GRIK2: variants seen among roughly 807,000 people sequenced by gnomAD.
The protein encoded by GRIK2 is glutamate receptor ionotropic, kainate 2.
Under a neutral mutation model 100.3 loss-of-function variants are expected in GRIK2, and 32 were observed. The observed-to-expected ratio is 0.32, with a 90% CI of 0.24 to 0.43. GRIK2 has a LOEUF of 0.43. Among genes scored for constraint, GRIK2 ranks in the 20% least tolerant of loss-of-function variants. GRIK2 has a pLI of 1.00. For synonymous variants in GRIK2, 417 were observed against 389.4 expected (o/e 1.07, Z -0.83); for missense variants, 843 against 1,114.9 (o/e 0.76, Z 3.47).
chr6:101,920,665 G>A (rs1789428972), intron 12 of GRIK2, among the ~76,000 whole-genome samples: 1 of 151,318 alleles, frequency 6.6e-6, no homozygotes, highest in Non-Finnish European at 1.5e-5. Flanking sequence ...TCTATGGAGT[G>A]AAGAGTAGGG....
At chr6:101,507,271 T>C (rs952683340) in intron 2 of GRIK2, among the ~76,000 whole-genome samples, 1 of 152,170 alleles carries the variant, frequency 6.6e-6, no homozygotes, top group African/African-American at 2.4e-5. Flanking sequence ...TTGATTTTAA[T>C]AGATGTGCTA....
chr6:101,962,054 A>G (rs1301651950), intron 14 of GRIK2, among the ~76,000 whole-genome samples: 1 of 152,100 alleles, frequency 6.6e-6, no homozygotes, highest in Non-Finnish European at 1.5e-5. Flanking sequence ...ATGAGGGCAG[A>G]GGGGCTCTCT....
intron 12 of GRIK2, among the ~76,000 whole-genome samples, chr6:101,908,292 A>T (rs1411906913): frequency 6.6e-6 from 1 of 151,944 alleles, no homozygotes; most frequent in Non-Finnish European, 1.5e-5. Context: ...TGCCAAAAGT[A>T]CATTAAAATT....
chr6:101,415,994 GTCAA>G (rs34905572), intron 2 of GRIK2, among the ~76,000 whole-genome samples: 3 of 152,094 alleles, frequency 2.0e-5, no homozygotes, highest in Non-Finnish European at 4.4e-5. Flanking sequence ...AGCATAACCA[GTCAA>G]TCAATCAATC....
intron 4 of GRIK2, among the ~76,000 whole-genome samples, chr6:101,672,166 A>G (rs1770490780): frequency 6.6e-6 from 1 of 152,176 alleles, no homozygotes; most frequent in African/African-American, 2.4e-5. Context: ...CACTGATGAC[A>G]CAACAACCAA....
chr6:101,451,021 C>T (rs1770646245), intron 2 of GRIK2, among the ~76,000 whole-genome samples: 1 of 151,554 alleles, frequency 6.6e-6, no homozygotes, highest in Admixed American at 6.6e-5. Context: ...ATGTTTGAAT[C>T]TCCTTTCCCG....
chr6:101,816,118 G>T (rs1383260890), intron 9 of GRIK2, among the ~76,000 whole-genome samples: 1 of 152,080 alleles, frequency 6.6e-6, no homozygotes, highest in African/African-American at 2.4e-5. Context: ...TAGTTACTTG[G>T]TTAGAAAGTT....
chr6:101,487,784 A>G (rs1227677209), intron 2 of GRIK2, among the ~76,000 whole-genome samples: 1 of 146,638 alleles, frequency 6.8e-6, no homozygotes, highest in Admixed American at 6.8e-5. Context: ...CATTAAATTT[A>G]AAAAGATCAA....
chr6:101,453,525 G>C (rs1770827360), intron 2 of GRIK2, among the ~76,000 whole-genome samples: 1 of 151,954 alleles, frequency 6.6e-6, no homozygotes, highest in Admixed American at 6.6e-5. Context: ...TTGCAGACGT[G>C]TTACATGGCC....
intron 2 of GRIK2, among the ~76,000 whole-genome samples, chr6:101,504,500 A>G (rs1432592099): frequency 2.0e-5 from 3 of 151,824 alleles, no homozygotes; most frequent in Non-Finnish European, 4.4e-5. Context: ...AAAATTTCCT[A>G]TTCAATGTTT....
At position 101,898,477 on chromosome 6, in the gene GRIK2, GA is replaced by G. The variant is rs139240098; in HGVS notation, c.1748+8623del. Among the ~76,000 whole-genome samples, 499 of 149,490 alleles carry G rather than the reference GA, an allele frequency of 3.3e-3. 7 individuals are homozygous for G. Among genetic ancestry groups the G allele is most frequent in the African/African-American group, 0.011 (432 of 40,888 alleles). ...GTTTTACAGTAACAGATAATTCCTT[GA>G]AAAAAAAATCCTTAGTTAGCTGTAC... On this transcript the variant is annotated intron_variant, in intron 12 of 16. Coordinates refer to ENST00000369134, the MANE Select transcript of GRIK2 (RefSeq NM_021956.5).
intron 14 of GRIK2, among the ~76,000 whole-genome samples, chr6:102,006,588 A>G (rs1201452349): frequency 6.6e-6 from 1 of 151,594 alleles, no homozygotes; most frequent in Non-Finnish European, 1.5e-5. Flanking sequence ...AGCTGGTTCC[A>G]AACAACTGGG....
chr6:101,711,200 T>C (rs1475942146), intron 7 of GRIK2, among the ~76,000 whole-genome samples: 1 of 151,846 alleles, frequency 6.6e-6, no homozygotes, highest in African/African-American at 2.4e-5. Flanking sequence ...GAAGATAAAC[T>C]CTGAATGTTT....
chr6:101,395,420 AC>A (rs1324096780), intron 1 of GRIK2, among the ~76,000 whole-genome samples: 1 of 152,150 alleles, frequency 6.6e-6, no homozygotes, highest in African/African-American at 2.4e-5. Context: ...AACCTTTGAA[AC>A]ATCTTTGAAA....
chr6:101,510,940 A>C (rs960765908), intron 2 of GRIK2, among the ~76,000 whole-genome samples: 1 of 152,188 alleles, frequency 6.6e-6, no homozygotes, highest in African/African-American at 2.4e-5. Context: ...GAACAAAATG[A>C]TCGGCCAAAA....
At chr6:101,577,601 CT>C (rs1409114501) in intron 2 of GRIK2, among the ~76,000 whole-genome samples, 1 of 151,874 alleles carries the variant, frequency 6.6e-6, no homozygotes, top group African/African-American at 2.4e-5. Flanking sequence ...AGAGTGTTGG[CT>C]ATTTAGAGTA....
At chr6:101,732,231 G>T (rs1009251730) in intron 7 of GRIK2, among the ~76,000 whole-genome samples, 1 of 151,528 alleles carries the variant, frequency 6.6e-6, no homozygotes, top group Non-Finnish European at 1.5e-5. Context: ...TCTTGTCTTT[G>T]TTCTACAGAT....
At chr6:101,661,164 T>C (rs2079753618) in intron 4 of GRIK2, among the ~76,000 whole-genome samples, 1 of 152,132 alleles carries the variant, frequency 6.6e-6, no homozygotes, top group South Asian at 2.1e-4. Context: ...CTTTCAGAGA[T>C]GCCCTGCTCA....
chr6:101,857,853 C>T (rs1270163890), intron 10 of GRIK2, among the ~76,000 whole-genome samples: 1 of 152,170 alleles, frequency 6.6e-6, no homozygotes, highest in Non-Finnish European at 1.5e-5. Context: ...GGCTCCTCAC[C>T]CCTTTTTTAT....
Sources: gnomAD v4.1 joint callset for allele counts (sites outside exome capture counted in the v4.1 genomes callset) on GRCh38, gnomAD v4.1.1 for gene constraint, MANE v1.5 for transcripts, NCBI Gene and HGNC (gene_info 2026-07-23, HGNC 2026-07-21) for gene names.